HMCN1: variants seen among roughly 807,000 people sequenced by gnomAD.
HMCN1 encodes the protein hemicentin 1.
In HMCN1, 321 loss-of-function variants were observed where a neutral mutation model predicts 625.9. That is an observed-to-expected ratio of 0.51 (90% CI 0.47 to 0.56). HMCN1 has a LOEUF of 0.56. Among genes scored for constraint, HMCN1 ranks in the 20% least tolerant of loss-of-function variants. The probability of loss-of-function intolerance (pLI) is 0.00; values close to 1 mark genes in which losing one functional copy is unlikely to be tolerated. For synonymous variants in HMCN1, 2,425 were observed against 2,417.6 expected (o/e 1.00, Z -0.09); for missense variants, 6,588 against 6,887.3 (o/e 0.96, Z 1.54).
chr1:186,067,364 C>A (rs1050282294), intron 49 of HMCN1, among the ~76,000 whole-genome samples: 5 of 152,060 alleles, frequency 3.3e-5, no homozygotes, highest in African/African-American at 1.2e-4. Context: ...ACCCTGCTTG[C>A]CCCTCATTGC....
intron 29 of HMCN1, among the ~76,000 whole-genome samples, chr1:186,006,542 A>C (rs760569485): frequency 1.5e-4 from 23 of 152,134 alleles, no homozygotes; most frequent in Admixed American, 3.9e-4. Context: ...ATCATATACG[A>C]GCTTCTTTTG....
chr1:186,102,848 T>G (rs1030994487), intron 68 of HMCN1, among the ~76,000 whole-genome samples: 18 of 152,132 alleles, frequency 1.2e-4, no homozygotes, highest in Non-Finnish European at 2.5e-4. Context: ...TAAAGAACCT[T>G]AAATGTTTCT....
At chr1:186,006,377 GA>G (rs896578430) in intron 29 of HMCN1, among the ~76,000 whole-genome samples, 2 of 151,954 alleles carry the variant, frequency 1.3e-5, no homozygotes, top group Admixed American at 6.6e-5. Context: ...GGATATTCCT[GA>G]AAAAATATTT....
chr1:186,166,443 G>T, intron 99 of HMCN1, 140 bp downstream of exon 99: 1 of 1,083,210 alleles, frequency 9.2e-7, no homozygotes. Context: ...TCTCCATTGG[G>T]CTGAGAAAGT....
chr1:185,760,987 A>G (rs1475018070), intron 1 of HMCN1, among the ~76,000 whole-genome samples: 1 of 152,172 alleles, frequency 6.6e-6, no homozygotes, highest in East Asian at 1.9e-4. Context: ...TAATCATTAT[A>G]TTCTCTTATT....
At chr1:186,141,035 C>T (rs972901353) in intron 89 of HMCN1, among the ~76,000 whole-genome samples, 1 of 152,184 alleles carries the variant, frequency 6.6e-6, no homozygotes, top group African/African-American at 2.4e-5. Flanking sequence ...TTTCCTGCAA[C>T]TAGAAGGTCC....
intron 1 of HMCN1, among the ~76,000 whole-genome samples, chr1:185,826,871 C>A (rs1180587950): frequency 6.6e-6 from 1 of 152,104 alleles, no homozygotes; most frequent in Non-Finnish European, 1.5e-5. Flanking sequence ...AAAAAACTCA[C>A]CAGTTTCAAT....
chr1:186,179,431 C>T (rs1458115001), intron 104 of HMCN1, among the ~76,000 whole-genome samples: 1 of 152,094 alleles, frequency 6.6e-6, no homozygotes, highest in Non-Finnish European at 1.5e-5. Context: ...GAATTGAGAC[C>T]TTGTTTTCAG....
intron 97 of HMCN1, among the ~76,000 whole-genome samples, chr1:186,157,352 T>C (rs1651090528): frequency 6.6e-6 from 1 of 152,022 alleles, no homozygotes; most frequent in African/African-American, 2.4e-5. Flanking sequence ...CACTTTATAA[T>C]ATGAAAATCA....
intron 1 of HMCN1, among the ~76,000 whole-genome samples, chr1:185,825,415 G>A (rs541937498): frequency 3.5e-4 from 54 of 152,184 alleles, no homozygotes; most frequent in African/African-American, 1.1e-3. Flanking sequence ...TGCTTTCTTC[G>A]TTTCGGATGC....
chr1:185,974,070 TA>T (rs1330875812), intron 15 of HMCN1, among the ~76,000 whole-genome samples: 1 of 152,216 alleles, frequency 6.6e-6, no homozygotes, highest in Non-Finnish European at 1.5e-5. Flanking sequence ...ATTTGCAGAA[TA>T]ATGTGTGTAC....
chr1:186,053,186 A>G (rs1270093544), intron 43 of HMCN1, 112 bp downstream of exon 43: 3 of 987,946 alleles, frequency 3.0e-6, no homozygotes, highest in African/African-American at 3.3e-5. Flanking sequence ...TTTGCATACT[A>G]AATGCTAGAC....
chr1:185,859,891 G>A (rs567607999), intron 2 of HMCN1, among the ~76,000 whole-genome samples: 6 of 151,902 alleles, frequency 3.9e-5, no homozygotes, highest in Admixed American at 6.6e-5. Flanking sequence ...GCCTGGTCGC[G>A]AACTCCTGAG....
chr1:185,967,564 A>G (rs1441283779), intron 14 of HMCN1, among the ~76,000 whole-genome samples: 1 of 152,116 alleles, frequency 6.6e-6, no homozygotes, highest in African/African-American at 2.4e-5. Context: ...GATCAGGTCA[A>G]CTAACATACC....
intron 77 of HMCN1, among the ~76,000 whole-genome samples, chr1:186,118,358 G>C (rs186415298): frequency 4.6e-5 from 7 of 152,196 alleles, no homozygotes; most frequent in Non-Finnish European, 8.8e-5. Context: ...TGTGTTCCCA[G>C]GATGCAACTT....
At chr1:185,907,196 A>T (rs143422447) in intron 4 of HMCN1, among the ~76,000 whole-genome samples, 46 of 152,072 alleles carry the variant, frequency 3.0e-4, no homozygotes, top group African/African-American at 1.1e-3. Flanking sequence ...TTAAACAAAT[A>T]TGTTTTATTT....
intron 1 of HMCN1, among the ~76,000 whole-genome samples, chr1:185,836,707 G>A (rs1224269552): frequency 6.6e-6 from 1 of 152,030 alleles, no homozygotes; most frequent in African/African-American, 2.4e-5. Context: ...CATGTAGTGG[G>A]TGTACAGATT....
In HMCN1 at chr1:185,749,639, G is replaced by A. The variant is rs1032111693; in HGVS notation, c.268+14592G>A. On this transcript the variant is annotated intron_variant, in intron 1 of 106. Transcript: ENST00000271588. ...CACCCCACATCTGATCCCTCCACAA[G>A]TTATTTTGGCTCTGCCTTCAAGATC... is the stretch of plus-strand genomic sequence containing the variant. Among the ~76,000 whole-genome samples the A allele has an allele frequency of 3.3e-5, 5 of 152,078 alleles. No individual in the cohort carries two copies. In the East Asian group the frequency reaches 9.6e-4, roughly 29 times the overall value.
chr1:186,121,273 G>T (rs1013028528), intron 80 of HMCN1, among the ~76,000 whole-genome samples: 2 of 152,158 alleles, frequency 1.3e-5, no homozygotes, highest in Non-Finnish European at 2.9e-5. Flanking sequence ...TTTATTCTCT[G>T]TGCAAATAAA....
Sources: allele counts gnomAD v4.1 joint callset (sites outside exome capture counted in the v4.1 genomes callset), GRCh38; gene constraint gnomAD v4.1.1; transcripts MANE v1.5; gene names NCBI Gene and HGNC (gene_info 2026-07-23, HGNC 2026-07-21).